GNG11: variants seen among roughly 807,000 people sequenced by gnomAD.
GNG11 encodes guanine nucleotide-binding protein G(I)/G(S)/G(O) subunit gamma-11.
A neutral mutation model predicts 7.4 loss-of-function variants in GNG11; 6 were observed. The ratio of observed to expected loss-of-function variants is 0.81; its 90% CI spans 0.44 to 1.60. GNG11 has a LOEUF of 1.60. Among genes scored for constraint, GNG11 ranks in the 40% most tolerant of loss-of-function variants. The probability of loss-of-function intolerance (pLI) is 0.01; values close to 1 mark genes in which losing one functional copy is unlikely to be tolerated. For synonymous variants in GNG11, 31 were observed against 25.9 expected (o/e 1.20, Z -0.60); for missense variants, 65 against 83.0 (o/e 0.78, Z 0.84).
Position 93,926,359 on chromosome 7 carries a change from A to G in GNG11, c.*143A>G, listed in dbSNP as rs1794679788. 1.8e-6 allele frequency: 1 copy of G among 551,684 alleles called. No homozygotes were observed. Among genetic ancestry groups the G allele is most frequent in the Non-Finnish European group, 3.2e-6 (1 of 315,968 alleles). 34.2% of individuals were successfully genotyped at this position (551,684 alleles called of 1,614,324 possible). ...CACCATATAGATAGGGTTATGTATA[A>G]AAGCATATGTGCTACTCATCTTTGC... On this transcript the variant is annotated 3_prime_UTR_variant, in exon 2 of 2. Transcript: ENST00000248564.
rs1337295443 is a variant in GNG11 at position 93,928,083 on chromosome 7, T to C, written c.*1867T>C. The C allele has an allele frequency of 6.6e-6, 1 of 151,532 alleles. No individual in the cohort carries two copies. Among genetic ancestry groups the C allele is most frequent in the Non-Finnish European group, 1.5e-5 (1 of 68,040 alleles). The allele number at this position is 151,532 out of a possible 1,614,324, so 9.4% of individuals were successfully genotyped here. A position where few individuals can be genotyped will look rare whatever the true frequency, so the allele number is the denominator to read the frequency against. Reference sequence around the variant, plus strand: ...GAAAGCAAACATTTATTCCGGTTACTGGCAAGGCAGTTTAAATCACCTGCT... The same window carrying C: ...GAAAGCAAACATTTATTCCGGTTACCGGCAAGGCAGTTTAAATCACCTGCT... On this transcript the variant is annotated 3_prime_UTR_variant, in exon 2 of 2. Transcript: ENST00000248564.
In GNG11 at chr7:93,927,805, A is replaced by T. The variant is rs4261; in HGVS notation, c.*1589A>T. 0.52 allele frequency: 78,502 copies of T among 151,928 alleles called. 21,043 individuals are homozygous for T. The highest frequency in any genetic ancestry group is 0.82 in the East Asian group (4,261 of 5,166). The allele number at this position is 151,928 out of a possible 1,614,324, so 9.4% of individuals were successfully genotyped here. ...TGTCCAAGTGATGACATCAATTGGCATTACTGAGAGCCCAGGGATAATTTT... is the reference window on the plus strand; with the variant it reads ...TGTCCAAGTGATGACATCAATTGGCTTTACTGAGAGCCCAGGGATAATTTT... On this transcript the variant is annotated 3_prime_UTR_variant, in exon 2 of 2. Transcript: ENST00000248564.
chr7:93,926,120 C>G lies in GNG11; in HGVS notation c.126C>G (p.Asn42Lys). 6.5e-7 allele frequency: 1 copy of G among 1,541,488 alleles called. No individual in the cohort carries two copies. The highest frequency in any genetic ancestry group is 2.3e-5 in the East Asian group (1 of 43,776). The change falls in exon 2 of 2, where the codon AAC becomes AAG. Residue 42 changes from asparagine to lysine, a missense_variant. Transcript: ENST00000248564. ...CTAAATGTTCTGAAGAAATAAAGAACTATATTGAAGAACGTTCTGGAGAGG... is the reference window on the plus strand; with the variant it reads ...CTAAATGTTCTGAAGAAATAAAGAAGTATATTGAAGAACGTTCTGGAGAGG... ...QVSKCSEEIK[N>K]YIEERSGEDP...
Position 93,922,153 on chromosome 7 carries a change from A to T in GNG11, c.16A>T (p.Ile6Phe). The change falls in exon 1 of 2, where the codon ATC becomes TTC. Residue 6 changes from isoleucine (I) to phenylalanine (F), a missense_variant. By Grantham distance (21) the Ile-to-Phe change is conservative. Coordinates refer to ENST00000248564, the MANE Select transcript of GNG11 (RefSeq NM_004126.4). MPALH[I>F]EDLPEKEKLK... is the part of the protein sequence containing the mutation. ...TGGGGCGAAAATGCCTGCCCTTCAC[A>T]TCGAAGATTTGCCAGAGAAGGAAAA... The T allele has an allele frequency of 1.3e-6, 2 of 1,593,870 alleles. No individual in the cohort carries two copies. Among genetic ancestry groups the T allele is most frequent in the Non-Finnish European group, 1.7e-6 (2 of 1,166,270 alleles).
rs1053808115 is a variant in GNG11, at chr7:93,927,525, C to T, written c.*1309C>T. 1 of 152,222 alleles carries T rather than the reference C, an allele frequency of 6.6e-6. No individual in the cohort carries two copies. Among genetic ancestry groups the T allele is most frequent in the South Asian group, 2.1e-4 (1 of 4,834 alleles). 9.4% of individuals were successfully genotyped at this position (152,222 alleles called of 1,614,324 possible). A position where few individuals can be genotyped will look rare whatever the true frequency, so the allele number is the denominator to read the frequency against. On this transcript the variant is annotated 3_prime_UTR_variant, in exon 2 of 2. Transcript: ENST00000248564. ...TGGACTTAGTCATTAACTTGACCTG[C>T]AATTTTCAATGTGGCACCAGAAGCC... is the stretch of plus-strand genomic sequence containing the variant.
Position 93,927,893 on chromosome 7 carries a change from G to A in GNG11, c.*1677G>A, listed in dbSNP as rs940738690. On this transcript the variant is annotated 3_prime_UTR_variant, in exon 2 of 2. Transcript: ENST00000248564. ...TCTACTACTCTTAGGAAGGATTTAG[G>A]AATAGTAAAGGTGTATTTCTTCCAA... 6.6e-6 allele frequency: 1 copy of A among 152,102 alleles called. No homozygotes were observed. The highest frequency in any genetic ancestry group is 1.5e-5 in the Non-Finnish European group (1 of 68,012). The allele number at this position is 152,102 out of a possible 1,614,324, so 9.4% of individuals were successfully genotyped here. A position where few individuals can be genotyped will look rare whatever the true frequency, so the allele number is the denominator to read the frequency against.
At chr7:93,924,610 T>C (rs930608745) in intron 1 of GNG11, among the ~76,000 whole-genome samples, 1 of 152,180 alleles carries the variant, frequency 6.6e-6, no homozygotes, top group Non-Finnish European at 1.5e-5. Flanking sequence ...TCATTTGGGG[T>C]GTGGAAGTAA....
intron 1 of GNG11, among the ~76,000 whole-genome samples, chr7:93,925,372 A>C (rs1278133140): frequency 6.6e-6 from 1 of 152,116 alleles, no homozygotes; most frequent in Non-Finnish European, 1.5e-5. Flanking sequence ...AGACTTTTTG[A>C]AGACACTATT....
chr7:93,924,290 C>T (rs1794648813), intron 1 of GNG11, among the ~76,000 whole-genome samples: 1 of 152,220 alleles, frequency 6.6e-6, no homozygotes, highest in Non-Finnish European at 1.5e-5. Flanking sequence ...CAATTACTCA[C>T]ATTTGGAGGT....
At chr7:93,925,119 C>G (rs368500980) in intron 1 of GNG11, among the ~76,000 whole-genome samples, 12 of 152,088 alleles carry the variant, frequency 7.9e-5, no homozygotes, top group African/African-American at 2.7e-4. Context: ...AGCCGAGATC[C>G]TGCCACTGCA....
At chr7:93,922,375 C>A in intron 1 of GNG11, 142 bp downstream of exon 1, 1 of 493,376 alleles carries the variant, frequency 2.0e-6, no homozygotes, top group Admixed American at 3.5e-5. Flanking sequence ...TTGGCAGTGC[C>A]TGGGGACTGC....
At chr7:93,924,548 C>T (rs947900281) in intron 1 of GNG11, among the ~76,000 whole-genome samples, 1 of 152,174 alleles carries the variant, frequency 6.6e-6, no homozygotes, top group African/African-American at 2.4e-5. Flanking sequence ...AACTACATCA[C>T]CTAGTTTTCA....
intron 1 of GNG11, among the ~76,000 whole-genome samples, chr7:93,925,216 T>G (rs1178183250): frequency 1.3e-5 from 2 of 152,184 alleles, no homozygotes; most frequent in Non-Finnish European, 2.9e-5. Flanking sequence ...TTCTGTAATT[T>G]TTACTTTAAA....
chr7:93,925,434 G>A (rs17244307), intron 1 of GNG11, among the ~76,000 whole-genome samples: 2,230 of 152,144 alleles, frequency 0.015, 26 homozygotes, highest in Middle Eastern at 0.041. Context: ...AGCCTAATAA[G>A]TCTCAGATAA....
intron 1 of GNG11, among the ~76,000 whole-genome samples, chr7:93,923,319 A>G (rs1794639462): frequency 6.6e-6 from 1 of 152,144 alleles, no homozygotes; most frequent in African/African-American, 2.4e-5. Flanking sequence ...TACTTTTTAC[A>G]TATTTCTTTT....
intron 1 of GNG11, among the ~76,000 whole-genome samples, chr7:93,922,931 A>G (rs1194478816): frequency 1.3e-5 from 2 of 152,204 alleles, no homozygotes; most frequent in African/African-American, 2.4e-5. Context: ...TTGAGAACAT[A>G]TGACCCAGTA....
chr7:93,923,278 A>AT (rs1165548948), intron 1 of GNG11, among the ~76,000 whole-genome samples: 1 of 152,164 alleles, frequency 6.6e-6, no homozygotes, highest in Non-Finnish European at 1.5e-5. Context: ...CTGTTGAGTG[A>AT]TGATTAGAAG....
At chr7:93,922,572 T>C (rs938800093) in intron 1 of GNG11, among the ~76,000 whole-genome samples, 2 of 152,206 alleles carry the variant, frequency 1.3e-5, no homozygotes, top group Non-Finnish European at 2.9e-5. Flanking sequence ...ACTTGGTTCT[T>C]TGATCTTTTA....
At chr7:93,924,989 C>T (rs952613681) in intron 1 of GNG11, among the ~76,000 whole-genome samples, 5 of 152,082 alleles carry the variant, frequency 3.3e-5, no homozygotes, top group Non-Finnish European at 7.4e-5. Flanking sequence ...GTGGTGAAAC[C>T]CCGTCTCTAC....
Sources: allele counts gnomAD v4.1 joint callset (sites outside exome capture counted in the v4.1 genomes callset), GRCh38; gene constraint gnomAD v4.1.1; transcripts MANE v1.5; gene names NCBI Gene and HGNC (gene_info 2026-07-23, HGNC 2026-07-21).